The following TADA2A variants were observed in gnomAD, a reference collection of about 807,000 sequenced individuals.
The protein encoded by TADA2A is transcriptional adaptor 2A, also known as transcriptional adapter 2-alpha.
In TADA2A, 38 loss-of-function variants were observed where a neutral mutation model predicts 67.4. The ratio of observed to expected loss-of-function variants is 0.56; its 90% CI spans 0.44 to 0.74. The LOEUF is 0.74. Ranked by LOEUF, TADA2A falls within the 30% of genes least tolerant of loss-of-function variation. TADA2A has a pLI of 0.00. For synonymous variants in TADA2A, 192 were observed against 181.6 expected (o/e 1.06, Z -0.46); for missense variants, 454 against 547.0 (o/e 0.83, Z 1.70).
intron 5 of TADA2A, among the ~76,000 whole-genome samples, chr17:37,440,053 C>T (rs1257077604): frequency 6.6e-6 from 1 of 151,546 alleles, no homozygotes; most frequent in African/African-American, 2.4e-5. Context: ...AAGCAATTCT[C>T]CTGCCTCAGC....
chr17:37,407,114 G>T (rs1369907994), intron 1 of TADA2A, 165 bp downstream of exon 1: 2 of 148,254 alleles, frequency 1.3e-5, no homozygotes, highest in Non-Finnish European at 3.0e-5. Context: ...GGGCCGGCGG[G>T]CGGGCAGCGG....
chr17:37,452,051 ATT>A (rs1213886668), intron 8 of TADA2A, among the ~76,000 whole-genome samples: 2 of 152,114 alleles, frequency 1.3e-5, no homozygotes, highest in Non-Finnish European at 2.9e-5. Flanking sequence ...TCTTCAAGAC[ATT>A]TTCTTTCCTA....
chr17:37,430,509 TA>T (rs2052538485), intron 4 of TADA2A, among the ~76,000 whole-genome samples: 1 of 152,232 alleles, frequency 6.6e-6, no homozygotes, highest in South Asian at 2.1e-4. Flanking sequence ...TTCTGAATTC[TA>T]TGCCTATTTT....
chr17:37,458,643 G>C, intron 9 of TADA2A, 56 bp downstream of exon 9: 1 of 696,562 alleles, frequency 1.4e-6, no homozygotes, highest in Non-Finnish European at 2.1e-6. Context: ...TGTTTTGTGT[G>C]TGTGTGTGTG....
At chr17:37,419,292 C>T (rs1357465623) in intron 2 of TADA2A, among the ~76,000 whole-genome samples, 1 of 144,704 alleles carries the variant, frequency 6.9e-6, no homozygotes, top group Admixed American at 7.0e-5. Context: ...TTCAGGCCTC[C>T]GTATAGCTGG....
chr17:37,455,648 T>C (rs1399213214), intron 8 of TADA2A, among the ~76,000 whole-genome samples: 2 of 152,202 alleles, frequency 1.3e-5, no homozygotes, highest in African/African-American at 2.4e-5. Context: ...CCCAAAGTGC[T>C]GGGATCAGAG....
In TADA2A at chr17:37,427,020, A is replaced by T; in HGVS notation, c.192+11A>T. On this transcript the variant is annotated intron_variant, in intron 4 of 15. Transcript: ENST00000615182. The stretch of plus-strand genomic sequence containing the variant: ...ACTTATGAAATAATGGTAATGATGA[A>T]GTTGCTGGGAATTTCTGTTCACTTT... The T allele has an allele frequency of 1.3e-6, 2 of 1,568,514 alleles. No homozygotes were observed. The highest frequency in any genetic ancestry group is 1.7e-6 in the Non-Finnish European group (2 of 1,156,252).
intron 14 of TADA2A, among the ~76,000 whole-genome samples, chr17:37,471,754 C>T (rs2053791542): frequency 1.3e-5 from 2 of 152,116 alleles, no homozygotes; most frequent in Admixed American, 6.6e-5. Flanking sequence ...GAGGCACCCA[C>T]CACGGCCTCC....
chr17:37,416,867 G>A (rs1216465176), intron 2 of TADA2A, among the ~76,000 whole-genome samples: 2 of 150,204 alleles, frequency 1.3e-5, no homozygotes, highest in African/African-American at 4.9e-5. Context: ...GCAACAGAAC[G>A]AGAGTCCGCC....
intron 1 of TADA2A, 71 bp from the exon 2 acceptor site, chr17:37,411,198 T>G (rs956085727): frequency 2.1e-5 from 14 of 663,228 alleles, no homozygotes; most frequent in Non-Finnish European, 3.8e-5. Flanking sequence ...CTGAGTATGT[T>G]GCATATCTTC....
chr17:37,462,434 C>G (rs1035886453), intron 10 of TADA2A, among the ~76,000 whole-genome samples: 1 of 152,010 alleles, frequency 6.6e-6, no homozygotes, highest in African/African-American at 2.4e-5. Context: ...CAAGACCATC[C>G]TGGCTAACAT....
chr17:37,458,586 AAG>A lies in TADA2A; in HGVS notation c.668_668+1del. 1.2e-6 allele frequency: 2 copies of A among 1,612,764 alleles called. No individual in the cohort carries two copies. Among genetic ancestry groups the A allele is most frequent in the Non-Finnish European group, 1.7e-6 (2 of 1,179,346 alleles). ...GTTAAAGGAGAGACAAAGACGAAAA[AAG>A]TAAGTATAAAAAACCATCCTGGCCT... On this transcript the variant is annotated splice_donor_variant and coding_sequence_variant, in exon 9 of 16. Transcript: ENST00000615182. LOFTEE classifies it high-confidence loss of function.
chr17:37,451,758 C>T (rs899783371), intron 8 of TADA2A, among the ~76,000 whole-genome samples: 4 of 150,980 alleles, frequency 2.6e-5, no homozygotes, highest in African/African-American at 9.7e-5. Flanking sequence ...CCGAGACGGG[C>T]AGATCACCTG....
chr17:37,452,776 C>T (rs956261588), intron 8 of TADA2A, among the ~76,000 whole-genome samples: 1 of 149,436 alleles, frequency 6.7e-6, no homozygotes, highest in Non-Finnish European at 1.5e-5. Flanking sequence ...GTTCTGCTAC[C>T]TAAAAAAAAA....
chr17:37,455,217 A>C (rs1360262491), intron 8 of TADA2A, among the ~76,000 whole-genome samples: 1 of 152,068 alleles, frequency 6.6e-6, no homozygotes, highest in Non-Finnish European at 1.5e-5. Flanking sequence ...AGAAAGGTTT[A>C]ATGTAGCATA....
intron 2 of TADA2A, among the ~76,000 whole-genome samples, chr17:37,415,278 C>T (rs1487671128): frequency 6.6e-6 from 1 of 151,946 alleles, no homozygotes. Flanking sequence ...TACTTTTTTC[C>T]CCTCACTTAA....
At chr17:37,447,374 CAA>C (rs1189035743) in intron 8 of TADA2A, among the ~76,000 whole-genome samples, 1 of 152,156 alleles carries the variant, frequency 6.6e-6, no homozygotes, top group African/African-American at 2.4e-5. Context: ...AGGCTGGTCT[CAA>C]ACTCTTGGCC....
chr17:37,406,949 G>A lies in TADA2A; in HGVS notation c.-98G>A, dbSNP rs2051554122. The A allele has an allele frequency of 7.7e-6, 1 of 130,698 alleles. No homozygotes were observed. Among genetic ancestry groups the A allele is most frequent in the African/African-American group, 2.9e-5 (1 of 34,534 alleles). 8.1% of individuals were successfully genotyped at this position (130,698 alleles called of 1,614,324 possible). Reference sequence around the variant, plus strand: ...GGCGCGGATTAGGGGGTCTCGGCGAGGTGAGGCGCCAGGCAGCGCTGGGCG... The same window carrying A: ...GGCGCGGATTAGGGGGTCTCGGCGAAGTGAGGCGCCAGGCAGCGCTGGGCG... On this transcript the variant is annotated splice_region_variant and 5_prime_UTR_variant, in exon 1 of 16. Coordinates refer to ENST00000615182, the MANE Select transcript of TADA2A (RefSeq NM_001166105.3).
intron 9 of TADA2A, 162 bp from the exon 10 acceptor site, chr17:37,461,916 A>T: frequency 1.8e-6 from 1 of 563,206 alleles, no homozygotes; most frequent in Non-Finnish European, 3.2e-6. Flanking sequence ...AAATTGGGTT[A>T]GTGATTCACT....
Sources: allele counts gnomAD v4.1 joint callset (sites outside exome capture counted in the v4.1 genomes callset), GRCh38; gene constraint gnomAD v4.1.1; transcripts MANE v1.5; gene names NCBI Gene and HGNC (gene_info 2026-07-23, HGNC 2026-07-21).